BAZ1B: variants seen among roughly 807,000 people sequenced by gnomAD.
BAZ1B encodes the protein bromodomain adjacent to zinc finger domain 1B.
Under a neutral mutation model 153.8 loss-of-function variants are expected in BAZ1B, and 22 were observed. That is an observed-to-expected ratio of 0.14 (90% CI 0.10 to 0.20). The LOEUF is 0.20. Ranked by LOEUF, BAZ1B falls within the 10% of genes least tolerant of loss-of-function variation. The pLI, the probability that BAZ1B is intolerant of heterozygous loss-of-function variation, is 1.00. For missense variants in BAZ1B, 1,325 were observed against 1,799.3 expected (o/e 0.74, Z 4.77); for synonymous variants, 676 against 633.4 (o/e 1.07, Z -1.01).
At chr7:73,451,091 A>G in intron 13 of BAZ1B, 97 bp from the exon 14 acceptor site, 1 of 1,428,904 alleles carries the variant, frequency 7.0e-7, no homozygotes, top group South Asian at 1.4e-5. Context: ...TTCTGAGGAC[A>G]CTTGCCTCCT....
intron 6 of BAZ1B, among the ~76,000 whole-genome samples, chr7:73,478,947 C>T (rs1318726153): frequency 1.3e-5 from 2 of 152,156 alleles, no homozygotes; most frequent in Admixed American, 6.5e-5. Context: ...GATATCTGAT[C>T]TACAAAATGG....
At position 73,510,606 on chromosome 7, in the gene BAZ1B, A is replaced by G. The variant is rs552635992; in HGVS notation, c.224+130T>C. ...GGCAAAGGAACCCAGAAACCCATAC[A>G]GTACACTAATGTAATATAGTCTAAT... On this transcript the variant is annotated intron_variant, in intron 2 of 19. Coordinates refer to ENST00000339594, the MANE Select transcript of BAZ1B (RefSeq NM_032408.4). 103 of 860,026 alleles carry G rather than the reference A, an allele frequency of 1.2e-4. No individual in the cohort carries two copies. The South Asian group carries it at 1.6e-3, about 13-fold the overall frequency. 53.3% of individuals were successfully genotyped at this position (860,026 alleles called of 1,614,324 possible).
intron 12 of BAZ1B, among the ~76,000 whole-genome samples, chr7:73,461,863 G>A (rs924301797): frequency 3.9e-5 from 6 of 152,200 alleles, no homozygotes; most frequent in East Asian, 3.8e-4. Flanking sequence ...GCTGAGGTAG[G>A]AGGATCTCAT....
Position 73,489,334 on chromosome 7 carries a change from C to T in BAZ1B, c.751G>A (p.Glu251Lys). ...TGCCGTATAAAGTATCGAACTATCTCCTTATTTGGTGGGCGCTCTGTACGA... is the reference window on the plus strand; with the variant it reads ...TGCCGTATAAAGTATCGAACTATCTTCTTATTTGGTGGGCGCTCTGTACGA... Reference protein sequence around the residue: ...LIRTERPPNKEIVRYFIRHNA... With the variant: ...LIRTERPPNKKIVRYFIRHNA... The change falls in exon 6 of 20, where the codon GAG becomes AAG. Residue 251 changes from glutamate (E) to lysine (K), a missense_variant. Physicochemically the swap from Glu to Lys is moderately conservative, Grantham distance 56 (BLOSUM62 1). Around this residue, in one of 9 missense-constraint regions of BAZ1B, gnomAD observed 153 missense variants for 204.8 expected, o/e 0.75. Transcript: ENST00000339594. The T allele has an allele frequency of 6.2e-7, 1 of 1,614,164 alleles. No homozygotes were observed. Among genetic ancestry groups the T allele is most frequent in the Non-Finnish European group, 8.5e-7 (1 of 1,180,028 alleles).
intron 13 of BAZ1B, among the ~76,000 whole-genome samples, chr7:73,456,865 G>A (rs1554569606): frequency 1.4e-5 from 2 of 138,678 alleles, no homozygotes; most frequent in African/African-American, 5.4e-5. Context: ...AGAATCGCTT[G>A]AACCCAGGGG....
chr7:73,466,531 A>G (rs1788592753), intron 9 of BAZ1B, 130 bp from the exon 10 acceptor site: 2 of 595,254 alleles, frequency 3.4e-6, no homozygotes, highest in Non-Finnish European at 3.0e-6. Context: ...TATATCAAAT[A>G]TATCTTCATG....
rs142662671 is a variant in BAZ1B at position 73,442,464 on chromosome 7, C to T, written c.4184G>A (p.Cys1395Tyr). The stretch of plus-strand genomic sequence containing the variant: ...CTCCTGCACAGAGCGGTAGCTCCCA[C>T]AGGAACATTTGTTCTGCACTGTCTG... ...DFQTVQNKCSCGSYRSVQEFL... is the reference protein window; with the variant it reads ...DFQTVQNKCSYGSYRSVQEFL... The change falls in exon 19 of 20, where the codon TGT becomes TAT. Residue 1395 changes from cysteine (C) to tyrosine (Y), a missense_variant. Coordinates refer to ENST00000339594, the MANE Select transcript of BAZ1B (RefSeq NM_032408.4). 33 of 1,614,116 alleles carry T rather than the reference C, an allele frequency of 2.0e-5. No individual in the cohort carries two copies. The highest frequency in any genetic ancestry group is 2.8e-5 in the Non-Finnish European group (33 of 1,180,054).
chr7:73,468,649 A>T (rs1408445163), intron 9 of BAZ1B, among the ~76,000 whole-genome samples: 2 of 152,136 alleles, frequency 1.3e-5, no homozygotes, highest in South Asian at 4.1e-4. Flanking sequence ...CAAGAGAAAG[A>T]ATATTACCAG....
At chr7:73,446,939 C>A (rs1554566817) in intron 16 of BAZ1B, among the ~76,000 whole-genome samples, 1 of 152,228 alleles carries the variant, frequency 6.6e-6, no homozygotes, top group Non-Finnish European at 1.5e-5. Flanking sequence ...CAAGATCTTC[C>A]TTCCCCATTG....
chr7:73,447,481 T>C, intron 15 of BAZ1B, 102 bp from the exon 16 acceptor site: 5 of 1,339,360 alleles, frequency 3.7e-6, no homozygotes, highest in Non-Finnish European at 5.1e-6. Context: ...CTTCACAGAC[T>C]ACATATGTAT....
intron 7 of BAZ1B, among the ~76,000 whole-genome samples, chr7:73,471,699 G>T (rs965369329): frequency 2.0e-5 from 3 of 151,998 alleles, no homozygotes; most frequent in African/African-American, 7.3e-5. Context: ...TCTACAATAA[G>T]ATGTAAATCT....
chr7:73,499,139 T>C (rs1790029157), intron 3 of BAZ1B, among the ~76,000 whole-genome samples: 1 of 152,154 alleles, frequency 6.6e-6, no homozygotes, highest in African/African-American at 2.4e-5. Flanking sequence ...CATTCTAACC[T>C]GCCTCAGCCT....
In BAZ1B at chr7:73,447,162, T is replaced by G. The variant is rs1378371312; in HGVS notation, c.3844+102A>C. 6.3e-6 allele frequency: 10 copies of G among 1,599,356 alleles called. No homozygotes were observed. The South Asian group carries it at 1.1e-4, about 18-fold the overall frequency. On this transcript the variant is annotated intron_variant, in intron 16 of 19. Transcript: ENST00000339594. ...CAGTCACAACACAAGAGAAAAGGAATAGGGCAAGCCGGCCACACTACCTAC... is the reference window on the plus strand; with the variant it reads ...CAGTCACAACACAAGAGAAAAGGAAGAGGGCAAGCCGGCCACACTACCTAC...
intron 5 of BAZ1B, among the ~76,000 whole-genome samples, chr7:73,492,373 G>A (rs146867680): frequency 0.013 from 1,911 of 151,850 alleles, 42 homozygotes; most frequent in African/African-American, 0.044. Flanking sequence ...CATGTTAGCC[G>A]GGATGGTCTC....
At position 73,447,961 on chromosome 7, in the gene BAZ1B, C is replaced by A. The variant is rs148569523; in HGVS notation, c.3729-582G>T. 5.3e-5 allele frequency among the ~76,000 whole-genome samples: 8 copies of A among 152,296 alleles called. No individual in the cohort carries two copies. In the East Asian group the frequency reaches 1.5e-3, roughly 29 times the overall value. ...GCAGCTGGGATGGAGTGCAAAAGAACCTGCTAATACTGTTAAGGTGGGGTC... is the reference window on the plus strand; with the variant it reads ...GCAGCTGGGATGGAGTGCAAAAGAAACTGCTAATACTGTTAAGGTGGGGTC... On this transcript the variant is annotated intron_variant, in intron 15 of 19. Transcript: ENST00000339594.
chr7:73,497,370 G>A (rs542643798), intron 4 of BAZ1B, among the ~76,000 whole-genome samples: 1 of 152,252 alleles, frequency 6.6e-6, no homozygotes, highest in South Asian at 2.1e-4. Context: ...CAGTAGTATA[G>A]TACGTACTAC....
intron 7 of BAZ1B, among the ~76,000 whole-genome samples, chr7:73,473,067 G>A (rs527695139): frequency 2.7e-3 from 412 of 152,016 alleles, no homozygotes; most frequent in Non-Finnish European, 4.6e-3. Context: ...TCAGCATCCT[G>A]AGTAGCTGGG....
At chr7:73,486,463 A>C (rs1032593015) in intron 6 of BAZ1B, among the ~76,000 whole-genome samples, 8 of 152,058 alleles carry the variant, frequency 5.3e-5, no homozygotes, top group Non-Finnish European at 1.5e-5. Context: ...AGTAGCTGGG[A>C]CTACAGGTGC....
chr7:73,490,171 A>G (rs1286618097), intron 5 of BAZ1B, among the ~76,000 whole-genome samples: 1 of 152,224 alleles, frequency 6.6e-6, no homozygotes, highest in African/African-American at 2.4e-5. Flanking sequence ...AATGAATCTT[A>G]TGACTCTCTG....
Sources: gnomAD v4.1 joint callset for allele counts (sites outside exome capture counted in the v4.1 genomes callset) on GRCh38, gnomAD v4.1.1 for gene constraint, gnomAD v4.1.1 regional missense constraint, MANE v1.5 for transcripts, NCBI Gene and HGNC (gene_info 2026-07-23, HGNC 2026-07-21) for gene names.